The following AFG2A variants were observed in gnomAD, a reference collection of about 807,000 sequenced individuals.
AFG2A encodes AAA ATPase AFG2A, also known as ATPase family gene 2 protein homolog A.
At chr4:123,315,354 ATT>A in the AFG2A span, 24 of 107,872 alleles carry the variant, frequency 2.2e-4, no homozygotes, top group African/African-American at 5.1e-4. Flanking sequence ...TGCCTGGCTA[ATT>A]TTTTTTTTTT....
At chr4:123,014,329 G>A in the AFG2A span, among the ~76,000 whole-genome samples, 10 of 152,098 alleles carry the variant, frequency 6.6e-5, no homozygotes, top group Admixed American at 3.9e-4. Flanking sequence ...TTTTGTAGGC[G>A]AGTTTTATGC....
chr4:122,933,982 A>G, the AFG2A span: 7 of 1,187,588 alleles, frequency 5.9e-6, no homozygotes, highest in East Asian at 7.9e-5. Context: ...TATTTTATTA[A>G]TACTCTGTCT....
chr4:123,246,211 T>C, the AFG2A span, among the ~76,000 whole-genome samples: 1 of 152,206 alleles, frequency 6.6e-6, no homozygotes, highest in Admixed American at 6.5e-5. Context: ...GGGGAAAGTG[T>C]CTAATAATAA....
At chr4:123,222,167 G>C in the AFG2A span, among the ~76,000 whole-genome samples, 1 of 152,122 alleles carries the variant, frequency 6.6e-6, no homozygotes, top group Non-Finnish European at 1.5e-5. Context: ...AATACAGTTT[G>C]TCCTGAGCTA....
chr4:123,005,812 A>G, the AFG2A span, among the ~76,000 whole-genome samples: 27 of 152,218 alleles, frequency 1.8e-4, 1 homozygote, highest in South Asian at 4.1e-3. Context: ...ATATATTTCT[A>G]TTGTTCCCCT....
At chr4:123,088,861 A>G in the AFG2A span, among the ~76,000 whole-genome samples, 7 of 152,174 alleles carry the variant, frequency 4.6e-5, no homozygotes, top group Admixed American at 4.6e-4. Context: ...CTCTTCATAA[A>G]TTACCCAGTC....
chr4:122,923,276 C>T, the AFG2A span: 3 of 1,613,964 alleles, frequency 1.9e-6, no homozygotes, highest in Non-Finnish European at 2.5e-6. Flanking sequence ...ACCTCCGGGA[C>T]TCTGACGGTG....
At chr4:123,301,499 A>C in the AFG2A span, among the ~76,000 whole-genome samples, 2 of 152,170 alleles carry the variant, frequency 1.3e-5, no homozygotes, top group Non-Finnish European at 2.9e-5. Flanking sequence ...GGATGATGTG[A>C]TTTCACCTCA....
At chr4:123,286,007 A>G in the AFG2A span, among the ~76,000 whole-genome samples, 1 of 152,160 alleles carries the variant, frequency 6.6e-6, no homozygotes, top group Non-Finnish European at 1.5e-5. Context: ...CTCATATGTC[A>G]GTTACGTCAC....
chr4:123,240,765 A>G, the AFG2A span, among the ~76,000 whole-genome samples: 1 of 151,638 alleles, frequency 6.6e-6, no homozygotes, highest in African/African-American at 2.4e-5. Flanking sequence ...GCAGAAGGCA[A>G]GAAATAACTA....
the AFG2A span, among the ~76,000 whole-genome samples, chr4:122,996,524 G>T: frequency 6.6e-6 from 1 of 151,976 alleles, no homozygotes; most frequent in African/African-American, 2.4e-5. Flanking sequence ...TGGATGGATG[G>T]GTAGGTAGGT....
chr4:123,309,020 A>G, the AFG2A span, among the ~76,000 whole-genome samples: 8 of 151,942 alleles, frequency 5.3e-5, no homozygotes, highest in South Asian at 8.3e-4. Flanking sequence ...TCCTTTTTCT[A>G]TTTTGGAATG....
At chr4:123,255,837 C>T in the AFG2A span, among the ~76,000 whole-genome samples, 1 of 149,056 alleles carries the variant, frequency 6.7e-6, no homozygotes, top group Non-Finnish European at 1.5e-5. Flanking sequence ...TTCAAAAGTA[C>T]TCTTGACATT....
chr4:123,240,731 G>T, the AFG2A span, among the ~76,000 whole-genome samples: 1 of 152,030 alleles, frequency 6.6e-6, no homozygotes, highest in Admixed American at 6.6e-5. Context: ...AACTAGAGAA[G>T]AAAGAGGAAA....
chr4:122,975,904 T>G, the AFG2A span, among the ~76,000 whole-genome samples: 1 of 152,162 alleles, frequency 6.6e-6, no homozygotes. Context: ...TGACTTGCTG[T>G]CTTTAGGAAG....
the AFG2A span, among the ~76,000 whole-genome samples, chr4:123,137,756 C>T: frequency 1.3e-5 from 2 of 151,972 alleles, no homozygotes; most frequent in African/African-American, 2.4e-5. Context: ...TTTCATTCTT[C>T]GGTTTTCCTT....
the AFG2A span, among the ~76,000 whole-genome samples, chr4:123,207,697 A>G: frequency 1.9e-4 from 29 of 152,336 alleles, no homozygotes; most frequent in Admixed American, 6.5e-4. Flanking sequence ...GTCATCCAGA[A>G]GAATAGAATA....
the AFG2A span, among the ~76,000 whole-genome samples, chr4:123,021,539 C>T: frequency 1.3e-5 from 2 of 152,146 alleles, no homozygotes; most frequent in Non-Finnish European, 2.9e-5. Context: ...CTATAAGAAT[C>T]ACTTGATTGA....
At chr4:123,082,778 G>A in the AFG2A span, among the ~76,000 whole-genome samples, 6 of 151,990 alleles carry the variant, frequency 3.9e-5, no homozygotes, top group Non-Finnish European at 8.8e-5. Context: ...TCTTAACAGT[G>A]TTGAGTCTTC....
Sources: allele counts gnomAD v4.1 joint callset (sites outside exome capture counted in the v4.1 genomes callset), GRCh38; gene constraint gnomAD v4.1.1; transcripts MANE v1.5; gene names NCBI Gene and HGNC (gene_info 2026-07-23, HGNC 2026-07-21).